Variants in MANBA observed in about 807,000 individuals in gnomAD.
MANBA encodes the protein beta-mannosidase.
A neutral mutation model predicts 111.1 loss-of-function variants in MANBA; 83 were observed. The observed-to-expected ratio is 0.75, with a 90% CI of 0.63 to 0.90. MANBA has a LOEUF of 0.90. MANBA is among the 40% of genes least tolerant of loss of function. The probability of loss-of-function intolerance (pLI) is 0.00; values close to 1 mark genes in which losing one functional copy is unlikely to be tolerated. For missense variants in MANBA, 1,036 were observed against 1,069.0 expected (o/e 0.97, Z 0.43); for synonymous variants, 370 against 378.7 (o/e 0.98, Z 0.27).
chr4:102,657,228 G>GGA (rs1560752395), intron 12 of MANBA, among the ~76,000 whole-genome samples: 2 of 120,698 alleles, frequency 1.7e-5, no homozygotes, highest in Non-Finnish European at 3.5e-5. Context: ...GGGGTGGGGG[G>GGA]GGGGTGGGCG....
intron 12 of MANBA, chr4:102,650,914 T>C (rs1730306237): frequency 7.3e-6 from 4 of 550,614 alleles, no homozygotes; most frequent in Admixed American, 3.1e-5. Flanking sequence ...CAGGGTTTGG[T>C]ACATATATCC....
chr4:102,656,716 G>A (rs946708702), intron 12 of MANBA, among the ~76,000 whole-genome samples: 1 of 152,100 alleles, frequency 6.6e-6, no homozygotes, highest in African/African-American at 2.4e-5. Flanking sequence ...ACAAAACGTA[G>A]TGTATATCCA....
chr4:102,684,845 G>A (rs567698146), intron 7 of MANBA, among the ~76,000 whole-genome samples: 225 of 152,262 alleles, frequency 1.5e-3, no homozygotes, highest in Non-Finnish European at 2.6e-3. Context: ...AGGACAGCAC[G>A]AGATGCCATC....
At chr4:102,634,415 T>C (rs1264057744) in intron 16 of MANBA, among the ~76,000 whole-genome samples, 4 of 152,288 alleles carry the variant, frequency 2.6e-5, no homozygotes, top group Non-Finnish European at 4.4e-5. Flanking sequence ...AAAATGCAGA[T>C]GATAATGCCT....
At chr4:102,747,057 C>G (rs1036447079) in intron 1 of MANBA, among the ~76,000 whole-genome samples, 1 of 151,648 alleles carries the variant, frequency 6.6e-6, no homozygotes, top group Non-Finnish European at 1.5e-5. Flanking sequence ...AACCCCAAAA[C>G]CAATAAAAGA....
rs189175694 is a variant in MANBA at position 102,720,046 on chromosome 4, A to G, written c.549+2825T>C. Among the ~76,000 whole-genome samples, 43 of 152,378 alleles carry G rather than the reference A, an allele frequency of 2.8e-4. 1 individual carries two copies. The highest frequency in any genetic ancestry group is 6.5e-4 in the Admixed American group (10 of 15,306). ...GAGGGTGGAGCAAAATAGCATATGGATATATGTATAACATTTATATTATCT... is the reference window on the plus strand; with the variant it reads ...GAGGGTGGAGCAAAATAGCATATGGGTATATGTATAACATTTATATTATCT... On this transcript the variant is annotated intron_variant, in intron 4 of 16. Transcript: ENST00000647097.
rs55654958 is a variant in MANBA at position 102,674,120 on chromosome 4, A to G, written c.961-50T>C. 2,885 of 1,436,860 alleles carry G rather than the reference A, an allele frequency of 2.0e-3. 50 individuals are homozygous for G. In the African/African-American group the frequency reaches 0.032, roughly 16 times the overall value. The allele number at this position is 1,436,860 out of a possible 1,614,324, so 89.0% of individuals were successfully genotyped here. ...GAATATCAAATTTAAACATAAGCAA[A>G]ATAGTTTTTTTAAAAAAAGCAGACC... is the stretch of plus-strand genomic sequence containing the variant. On this transcript the variant is annotated intron_variant, in intron 7 of 16. Coordinates refer to ENST00000647097, the MANE Select transcript of MANBA (RefSeq NM_005908.4).
chr4:102,696,300 A>G (rs1054844909), intron 5 of MANBA, among the ~76,000 whole-genome samples: 3 of 152,202 alleles, frequency 2.0e-5, no homozygotes, highest in African/African-American at 7.2e-5. Flanking sequence ...ACGTGTATTT[A>G]TATGATGCCA....
At chr4:102,687,413 C>T (rs1233358501) in intron 7 of MANBA, among the ~76,000 whole-genome samples, 1 of 152,174 alleles carries the variant, frequency 6.6e-6, no homozygotes. Context: ...CAGGACAGTG[C>T]TTCTTCCTTC....
chr4:102,689,825 C>G (rs1391800656), intron 6 of MANBA, 141 bp from the exon 7 acceptor site: 2 of 634,936 alleles, frequency 3.1e-6, no homozygotes, highest in Non-Finnish European at 5.7e-6. Flanking sequence ...TATATTATGC[C>G]CAATCAGACC....
intron 5 of MANBA, among the ~76,000 whole-genome samples, chr4:102,707,917 A>G (rs1449032301): frequency 6.6e-6 from 1 of 152,196 alleles, no homozygotes; most frequent in East Asian, 1.9e-4. Context: ...CAGACAAAAA[A>G]GGTCACTATA....
rs1050568674 is a variant in MANBA at position 102,708,179 on chromosome 4, ATATAT to A, written c.673+6254_673+6258del. ...AATGAAACTAATACACATTTAAAAA[ATATAT>A]TATAGCTACAAAATGCACATTCTTC... is the stretch of plus-strand genomic sequence containing the variant. On this transcript the variant is annotated intron_variant, in intron 5 of 16. Coordinates refer to ENST00000647097, the MANE Select transcript of MANBA (RefSeq NM_005908.4). Among the ~76,000 whole-genome samples, 98 of 152,292 alleles carry A rather than the reference ATATAT, an allele frequency of 6.4e-4. 1 individual carries two copies. Among genetic ancestry groups the A allele is most frequent in the African/African-American group, 2.2e-3 (91 of 41,590 alleles).
intron 7 of MANBA, among the ~76,000 whole-genome samples, chr4:102,687,325 G>C (rs146546865): frequency 1.3e-5 from 2 of 151,938 alleles, no homozygotes; most frequent in Non-Finnish European, 2.9e-5. Flanking sequence ...CTTCCAATCT[G>C]ATCTACACAA....
intron 1 of MANBA, among the ~76,000 whole-genome samples, chr4:102,760,057 AAGT>A (rs1212993868): frequency 6.6e-6 from 1 of 151,686 alleles, no homozygotes; most frequent in African/African-American, 2.4e-5. Context: ...CGTTCCCCAC[AAGT>A]AGTCTGTAAA....
intron 13 of MANBA, 76 bp downstream of exon 13, chr4:102,650,461 T>C (rs1730280964): frequency 7.0e-7 from 1 of 1,419,872 alleles, no homozygotes; most frequent in Non-Finnish European, 9.9e-7. Flanking sequence ...TTTCACCATA[T>C]ATGGCCTACA....
chr4:102,700,296 T>C (rs1732963897), intron 5 of MANBA, among the ~76,000 whole-genome samples: 1 of 152,186 alleles, frequency 6.6e-6, no homozygotes, highest in African/African-American at 2.4e-5. Context: ...TTGTTGATCC[T>C]TTCAAAAAAC....
chr4:102,654,790 T>A (rs1225028470), intron 12 of MANBA, among the ~76,000 whole-genome samples: 1 of 152,188 alleles, frequency 6.6e-6, no homozygotes, highest in Admixed American at 6.5e-5. Flanking sequence ...CTCAAGGATA[T>A]CTCGTCTTCC....
chr4:102,694,519 A>G (rs978212774), intron 5 of MANBA, among the ~76,000 whole-genome samples: 33 of 152,160 alleles, frequency 2.2e-4, no homozygotes, highest in Admixed American at 2.0e-3. Flanking sequence ...TCTAGAATAC[A>G]GCTTCCTATC....
intron 14 of MANBA, among the ~76,000 whole-genome samples, chr4:102,637,899 CAG>C (rs1229852695): frequency 6.6e-6 from 1 of 152,200 alleles, no homozygotes; most frequent in Non-Finnish European, 1.5e-5. Flanking sequence ...TCTAGAGGCC[CAG>C]ACTTGCGACT....
Sources: allele counts gnomAD v4.1 joint callset (sites outside exome capture counted in the v4.1 genomes callset), GRCh38; gene constraint gnomAD v4.1.1; transcripts MANE v1.5; gene names NCBI Gene and HGNC (gene_info 2026-07-23, HGNC 2026-07-21).